The following FBH1 variants were observed in gnomAD, a reference collection of about 807,000 sequenced individuals.
FBH1 encodes the protein F-box DNA helicase 1.
In FBH1, 43 loss-of-function variants were observed where a neutral mutation model predicts 115.5. The observed-to-expected ratio is 0.37, with a 90% CI of 0.29 to 0.48. FBH1 has a LOEUF of 0.48. Among genes scored for constraint, FBH1 ranks in the 20% least tolerant of loss-of-function variants. The pLI, the probability that FBH1 is intolerant of heterozygous loss-of-function variation, is 0.99. For missense variants in FBH1, 1,001 were observed against 1,337.3 expected, an observed-to-expected ratio of 0.75 and a Z score of 3.92; for synonymous variants, 524 against 507.8, an observed-to-expected ratio of 1.03 and a Z score of -0.43.
At chr10:5,926,823 G>T (rs1832680009) in intron 18 of FBH1, among the ~76,000 whole-genome samples, 1 of 152,178 alleles carries the variant, frequency 6.6e-6, no homozygotes, top group African/African-American at 2.4e-5. Context: ...CACGGCCTCG[G>T]GTCTGCTGTT....
chr10:5,918,394 C>T lies in FBH1; in HGVS notation c.2016C>T (p.Asp672=). 1 of 1,613,468 alleles carries T rather than the reference C, an allele frequency of 6.2e-7. No homozygotes were observed. Among genetic ancestry groups the T allele is most frequent in the Non-Finnish European group, 8.5e-7 (1 of 1,179,820 alleles). Residue 672 remains aspartate, a synonymous_variant, in exon 13 of 21, where the codon GAC becomes GAT. Transcript: ENST00000362091. The surrounding 1 kb of genome is among the most constrained non-coding windows in gnomAD (Gnocchi z 4.0). ...SQPCGKIFVG[D]PHQQIYTFRG... ...CATGTGGGAAAATCTTTGTAGGGGA[C>T]CCGCACCAGCAGATCTATACCTTCC...
intron 19 of FBH1, among the ~76,000 whole-genome samples, chr10:5,930,574 G>A (rs190005507): frequency 1.7e-3 from 259 of 152,344 alleles, no homozygotes; most frequent in African/African-American, 5.9e-3. Flanking sequence ...AGAGGGCTTC[G>A]TGCTTTGCCT....
At chr10:5,894,401 C>G in intron 1 of FBH1, 3 of 1,611,718 alleles carry the variant, frequency 1.9e-6, no homozygotes, top group Non-Finnish European at 2.5e-6. Flanking sequence ...TTCAAGGTGT[C>G]TAGATACAGA....
rs1408217887 is a variant in FBH1, at chr10:5,918,504, C to T, written c.2100+26C>T. On this transcript the variant is annotated intron_variant, in intron 13 of 20. Coordinates refer to ENST00000362091, the MANE Select transcript of FBH1 (RefSeq NM_178150.3). The surrounding 1 kb of genome is among the most constrained non-coding windows in gnomAD (Gnocchi z 4.0). ...GTAAGTGCGCACTCTGCATGGGAGG[C>T]ATTGCATCTCTCTCCCAATGTCTTA... is the stretch of plus-strand genomic sequence containing the variant. The T allele has an allele frequency of 6.5e-7, 1 of 1,531,558 alleles. No homozygotes were observed. The highest frequency in any genetic ancestry group is 8.7e-7 in the Non-Finnish European group (1 of 1,143,546). The allele number at this position is 1,531,558 out of a possible 1,614,324, so 94.9% of individuals were successfully genotyped here. A position where few individuals can be genotyped will look rare whatever the true frequency, so the allele number is the denominator to read the frequency against.
At chr10:5,907,472 G>T (rs1008999394) in intron 3 of FBH1, among the ~76,000 whole-genome samples, 363 of 111,230 alleles carry the variant, frequency 3.3e-3, no homozygotes, top group African/African-American at 7.5e-3. Flanking sequence ...GTTGTTGTTG[G>T]TTTTTTTTTT....
Position 5,895,731 on chromosome 10 carries a change from A to G in FBH1, c.1+5385A>G, listed in dbSNP as rs1336868092. Reference sequence around the variant, plus strand: ...GATTGAGGCTGCTGGAGGCTCTTCTATTTTGAACACCCGGCTTCTAAGGAT... The same window carrying G: ...GATTGAGGCTGCTGGAGGCTCTTCTGTTTTGAACACCCGGCTTCTAAGGAT... On this transcript the variant is annotated intron_variant, in intron 1 of 20. Transcript: ENST00000362091. The surrounding 1 kb of genome is among the most constrained non-coding windows in gnomAD (Gnocchi z 5.0). Among the ~76,000 whole-genome samples, 3 of 152,134 alleles carry G rather than the reference A, an allele frequency of 2.0e-5. No individual in the cohort carries two copies. Among genetic ancestry groups the G allele is most frequent in the African/African-American group, 4.8e-5 (2 of 41,428 alleles).
At position 5,936,575 on chromosome 10, in the gene FBH1, G is replaced by C; in HGVS notation, c.2949G>C (p.Leu983=). 1 of 1,614,120 alleles carries C rather than the reference G, an allele frequency of 6.2e-7. No individual in the cohort carries two copies. Among genetic ancestry groups the C allele is most frequent in the Non-Finnish European group, 8.5e-7 (1 of 1,179,970 alleles). The change falls in exon 20 of 21, where the codon CTG becomes CTC. Residue 983 remains leucine (L), a synonymous_variant. Transcript: ENST00000362091. The surrounding 1 kb of genome is among the most constrained non-coding windows in gnomAD (Gnocchi z 5.6). ...PVDTVLTMKK[L]PITYSNRKEN... ...ACACCGTCCTTACCATGAAGAAGCTGCCCATCACCTATGTACGTCTGCTGT... is the reference window on the plus strand; with the variant it reads ...ACACCGTCCTTACCATGAAGAAGCTCCCCATCACCTATGTACGTCTGCTGT...
Position 5,914,325 on chromosome 10 carries a change from C to T in FBH1, c.1396+56C>T, listed in dbSNP as rs544992261. 3 of 1,442,824 alleles carry T rather than the reference C, an allele frequency of 2.1e-6. No homozygotes were observed. Among genetic ancestry groups the T allele is most frequent in the South Asian group, 1.1e-5 (1 of 87,546 alleles). The allele number at this position is 1,442,824 out of a possible 1,614,324, so 89.4% of individuals were successfully genotyped here. On this transcript the variant is annotated intron_variant, in intron 8 of 20. Coordinates refer to ENST00000362091, the MANE Select transcript of FBH1 (RefSeq NM_178150.3). This position sits in a 1 kb window ranked among gnomAD's most constrained non-coding sequence, Gnocchi z 5.2. ...GGTGGTTTTCTGCCTTTTCTCCCTA[C>T]ATCCCCTTCCCGCTACCTGCCAGGG...
Position 5,918,259 on chromosome 10 carries a change from C to T in FBH1, c.1964-83C>T, listed in dbSNP as rs777451997. 1.9e-4 allele frequency: 294 copies of T among 1,547,982 alleles called. No individual in the cohort carries two copies. Among genetic ancestry groups the T allele is most frequent in the Non-Finnish European group, 2.3e-4 (260 of 1,145,382 alleles). On this transcript the variant is annotated intron_variant, in intron 12 of 20. Transcript: ENST00000362091. This position sits in a 1 kb window ranked among gnomAD's most constrained non-coding sequence, Gnocchi z 4.0. ...GGTCCAGTGTGCCCTGGCTTAGCTT[C>T]GTGGAAGTGTTTTTGTCCTTTTCTT...
At position 5,925,147 on chromosome 10, in the gene FBH1, T is replaced by G; in HGVS notation, c.2597-220T>G. 1.8e-6 allele frequency: 1 copy of G among 541,050 alleles called. No individual in the cohort carries two copies. The highest frequency in any genetic ancestry group is 3.5e-5 in the East Asian group (1 of 28,944). The allele number at this position is 541,050 out of a possible 1,614,324, so 33.5% of individuals were successfully genotyped here. ...TGATTCCGAGAGGCGTTAACTCTCCTGCAACTAATTTTCGACTTTTCCCCT... is the reference window on the plus strand; with the variant it reads ...TGATTCCGAGAGGCGTTAACTCTCCGGCAACTAATTTTCGACTTTTCCCCT... On this transcript the variant is annotated intron_variant, in intron 17 of 20. Transcript: ENST00000362091. The surrounding 1 kb of genome is among the most constrained non-coding windows in gnomAD (Gnocchi z 4.6).
Position 5,924,182 on chromosome 10 carries a change from G to A in FBH1, c.2399-129G>A. The A allele has an allele frequency of 1.2e-6, 1 of 810,160 alleles. No individual in the cohort carries two copies. Among genetic ancestry groups the A allele is most frequent in the South Asian group, 1.6e-5 (1 of 60,850 alleles). The allele number at this position is 810,160 out of a possible 1,614,324, so 50.2% of individuals were successfully genotyped here. A position where few individuals can be genotyped will look rare whatever the true frequency, so the allele number is the denominator to read the frequency against. Reference sequence around the variant, plus strand: ...ACACAGCGAGTTAGTGATGCAGTCAGGCCTGGAACCCGGGTCTCCCCACTT... The same window carrying A: ...ACACAGCGAGTTAGTGATGCAGTCAAGCCTGGAACCCGGGTCTCCCCACTT... On this transcript the variant is annotated intron_variant, in intron 16 of 20. Transcript: ENST00000362091. This position sits in a 1 kb window ranked among gnomAD's most constrained non-coding sequence, Gnocchi z 6.2.
At chr10:5,893,259 C>T (rs1842837511) in intron 1 of FBH1, among the ~76,000 whole-genome samples, 1 of 152,188 alleles carries the variant, frequency 6.6e-6, no homozygotes. Context: ...TGAGCCGAGA[C>T]TGTGCCATTG....
At position 5,895,593 on chromosome 10, in the gene FBH1, C is replaced by T. The variant is rs753300352; in HGVS notation, c.1+5247C>T. ...AGACATGTAATGGCCTCACAATAGA[C>T]GTTTATTTTTCAATCCCATAACAAT... On this transcript the variant is annotated intron_variant, in intron 1 of 20. Transcript: ENST00000362091. The surrounding 1 kb of genome is among the most constrained non-coding windows in gnomAD (Gnocchi z 5.0). 2.0e-5 allele frequency among the ~76,000 whole-genome samples: 3 copies of T among 152,070 alleles called. No individual in the cohort carries two copies. Among genetic ancestry groups the T allele is most frequent in the South Asian group, 2.1e-4 (1 of 4,814 alleles).
rs993823307 is a variant in FBH1, at chr10:5,933,822, T to A, written c.2830-2634T>A. ...CATACCTGGCTAATTTTTTTTGGTA[T>A]TTTTTTTTTGTTAAAGACGAGGTTT... On this transcript the variant is annotated intron_variant, in intron 19 of 20. Transcript: ENST00000362091. The surrounding 1 kb of genome is among the most constrained non-coding windows in gnomAD (Gnocchi z 4.9). Among the ~76,000 whole-genome samples the A allele has an allele frequency of 1.3e-5, 2 of 149,702 alleles. No homozygotes were observed. Among genetic ancestry groups the A allele is most frequent in the South Asian group, 4.2e-4 (2 of 4,744 alleles).
At chr10:5,898,391 TTA>T (rs1843133838) in intron 1 of FBH1, among the ~76,000 whole-genome samples, 1 of 152,094 alleles carries the variant, frequency 6.6e-6, no homozygotes, top group African/African-American at 2.4e-5. Flanking sequence ...CCTTGTGACC[TTA>T]TCACTTCCTA....
rs1842953749 is a variant in FBH1 at position 5,895,497 on chromosome 10, A to G, written c.1+5151A>G. 2.0e-5 allele frequency among the ~76,000 whole-genome samples: 3 copies of G among 151,762 alleles called. No homozygotes were observed. In the South Asian group the frequency reaches 6.3e-4, roughly 32 times the overall value. ...TTAGTAAAGGTAGAGGAAGAAAGGA[A>G]ATTATTTGGTATCCATTTCAAATGA... is the stretch of plus-strand genomic sequence containing the variant. On this transcript the variant is annotated intron_variant, in intron 1 of 20. Transcript: ENST00000362091. This position sits in a 1 kb window ranked among gnomAD's most constrained non-coding sequence, Gnocchi z 5.0.
rs1589077788 is a variant in FBH1, at chr10:5,911,551, G to C, written c.1211+423G>C. Among the ~76,000 whole-genome samples the C allele has an allele frequency of 1.3e-5, 2 of 152,324 alleles. No homozygotes were observed. The highest frequency in any genetic ancestry group is 6.8e-3 in the Middle Eastern group (2 of 294). ...CGGGAGAGGCTATGGCGTGTCGGCT[G>C]CTGATTCACAGGGGCCCCGATGGTT... On this transcript the variant is annotated intron_variant, in intron 6 of 20. Transcript: ENST00000362091. This position sits in a 1 kb window ranked among gnomAD's most constrained non-coding sequence, Gnocchi z 5.4.
At chr10:5,899,760 C>T (rs1445861441) in intron 1 of FBH1, among the ~76,000 whole-genome samples, 1 of 152,220 alleles carries the variant, frequency 6.6e-6, no homozygotes, top group Non-Finnish European at 1.5e-5. Flanking sequence ...GGTCCCCATT[C>T]AGGCAAAATA....
At position 5,906,168 on chromosome 10, in the gene FBH1, G is replaced by T; in HGVS notation, c.289G>T (p.Ala97Ser). 1 of 1,614,212 alleles carries T rather than the reference G, an allele frequency of 6.2e-7. No homozygotes were observed. Among genetic ancestry groups the T allele is most frequent in the East Asian group, 2.2e-5 (1 of 44,884 alleles). ...QDSEGDMIFP[A>S]ESSCALPQEG... ...CTCTGAGGGTGACATGATCTTTCCTGCAGAGAGCAGCTGTGCACTGCCTCA... is the reference window on the plus strand; with the variant it reads ...CTCTGAGGGTGACATGATCTTTCCTTCAGAGAGCAGCTGTGCACTGCCTCA... Residue 97 changes from alanine (A) to serine (S), a missense_variant, in exon 3 of 21, where the codon GCA becomes TCA. Physicochemically the swap from Ala to Ser is moderately conservative, Grantham distance 99. Coordinates refer to ENST00000362091, the MANE Select transcript of FBH1 (RefSeq NM_178150.3). The surrounding 1 kb of genome is among the most constrained non-coding windows in gnomAD (Gnocchi z 7.3).
Sources: allele counts gnomAD v4.1 joint callset (sites outside exome capture counted in the v4.1 genomes callset), GRCh38; gene constraint gnomAD v4.1.1; non-coding constraint Gnocchi (gnomAD v3.1); transcripts MANE v1.5; gene names NCBI Gene and HGNC (gene_info 2026-07-23, HGNC 2026-07-21).